Variants in TMCC1 observed in about 807,000 individuals in gnomAD.
TMCC1 encodes transmembrane and coiled-coil domains protein 1.
Under a neutral mutation model 52.4 loss-of-function variants are expected in TMCC1, and 15 were observed. The observed-to-expected ratio is 0.29, with a 90% CI of 0.19 to 0.44. The LOEUF (loss-of-function observed/expected upper bound fraction) is 0.44. TMCC1 is among the 20% of genes least tolerant of loss of function. The probability of loss-of-function intolerance (pLI) is 1.00; values close to 1 mark genes in which losing one functional copy is unlikely to be tolerated. For missense variants in TMCC1, 503 were observed against 806.0 expected (o/e 0.62, Z 4.55); for synonymous variants, 279 against 301.9 (o/e 0.92, Z 0.79).
chr3:129,768,789 C>T (rs2054320933), intron 4 of TMCC1, among the ~76,000 whole-genome samples: 1 of 152,222 alleles, frequency 6.6e-6, no homozygotes, highest in Non-Finnish European at 1.5e-5. Context: ...ATGTAATCTT[C>T]AAGGTCTCCT....
At chr3:129,890,602 T>C (rs750772692) in intron 1 of TMCC1, among the ~76,000 whole-genome samples, 20 of 152,212 alleles carry the variant, frequency 1.3e-4, no homozygotes, top group Non-Finnish European at 2.6e-4. Context: ...CAAAATTCTA[T>C]ACCATCCCCC....
chr3:129,818,401 T>A (rs894249867), intron 4 of TMCC1, among the ~76,000 whole-genome samples: 4 of 150,762 alleles, frequency 2.7e-5, no homozygotes, highest in South Asian at 2.1e-4. Context: ...TAAAAGTTTC[T>A]AAGAAACTTT....
intron 4 of TMCC1, among the ~76,000 whole-genome samples, chr3:129,680,711 G>T (rs898661955): frequency 3.3e-5 from 5 of 152,090 alleles, no homozygotes; most frequent in African/African-American, 1.2e-4. Context: ...GACCAGCCTG[G>T]CCAACATGGC....
intron 6 of TMCC1, among the ~76,000 whole-genome samples, chr3:129,654,162 G>A (rs1255857565): frequency 6.6e-6 from 1 of 152,182 alleles, no homozygotes; most frequent in Non-Finnish European, 1.5e-5. Context: ...AAGTTGGTCT[G>A]AGCCTTGAGT....
At chr3:129,846,263 A>G (rs2059660669) in intron 2 of TMCC1, among the ~76,000 whole-genome samples, 1 of 151,700 alleles carries the variant, frequency 6.6e-6, no homozygotes, top group South Asian at 2.1e-4. Flanking sequence ...GCACATGCCT[A>G]TAGTCCCAGC....
rs974513276 is a variant in TMCC1 at position 129,816,841 on chromosome 3, T to A, written c.576+10962A>T. Among the ~76,000 whole-genome samples, 4 of 151,462 alleles carry A rather than the reference T, an allele frequency of 2.6e-5. No homozygotes were observed. In the South Asian group the frequency reaches 6.3e-4, roughly 24 times the overall value. The stretch of plus-strand genomic sequence containing the variant: ...GAGTTTGAGATCAGCCTGGTCAACA[T>A]ATCAAGACCCCATTTCTAGAAAAAA... On this transcript the variant is annotated intron_variant, in intron 4 of 6. Transcript: ENST00000393238.
intron 4 of TMCC1, among the ~76,000 whole-genome samples, chr3:129,741,346 C>G (rs181787612): frequency 1.0e-3 from 156 of 152,240 alleles, no homozygotes; most frequent in African/African-American, 3.3e-3. Flanking sequence ...TCCCTTCTAC[C>G]TGTATGGCTG....
intron 4 of TMCC1, among the ~76,000 whole-genome samples, chr3:129,749,485 C>T (rs2052303543): frequency 6.6e-6 from 1 of 151,882 alleles, no homozygotes; most frequent in Non-Finnish European, 1.5e-5. Flanking sequence ...CTTAATCTTG[C>T]TTTGATCTCT....
chr3:129,770,187 A>T (rs1422986362), intron 4 of TMCC1, among the ~76,000 whole-genome samples: 1 of 152,156 alleles, frequency 6.6e-6, no homozygotes, highest in Non-Finnish European at 1.5e-5. Flanking sequence ...AAGAGCAAAA[A>T]AATTCTAACT....
intron 4 of TMCC1, among the ~76,000 whole-genome samples, chr3:129,801,246 C>T (rs981373961): frequency 1.3e-5 from 2 of 151,756 alleles, no homozygotes; most frequent in Admixed American, 1.3e-4. Context: ...TTTTTTAATC[C>T]AACCAGTATC....
At chr3:129,816,309 A>G (rs1271725719) in intron 4 of TMCC1, among the ~76,000 whole-genome samples, 1 of 152,258 alleles carries the variant, frequency 6.6e-6, no homozygotes, top group Non-Finnish European at 1.5e-5. Flanking sequence ...TGCTATTCAC[A>G]ATAGCCAAAA....
At chr3:129,813,593 AC>A (rs1354846840) in intron 4 of TMCC1, among the ~76,000 whole-genome samples, 2 of 152,158 alleles carry the variant, frequency 1.3e-5, no homozygotes, top group African/African-American at 4.8e-5. Context: ...AGGGAGTTAA[AC>A]ATTTAGTATG....
Position 129,724,552 on chromosome 3 carries a change from C to T in TMCC1, c.577-53288G>A, listed in dbSNP as rs146098607. Among the ~76,000 whole-genome samples, 47 of 152,254 alleles carry T rather than the reference C, an allele frequency of 3.1e-4. No individual in the cohort carries two copies. The East Asian group carries it at 8.7e-3, about 28-fold the overall frequency. ...ATACATTTTTGGTAATGGATATATG[C>T]CAGAACTGAAGGTGTGAATAACCTC... On this transcript the variant is annotated intron_variant, in intron 4 of 6. Transcript: ENST00000393238.
intron 4 of TMCC1, among the ~76,000 whole-genome samples, chr3:129,802,421 G>C (rs1435558871): frequency 6.6e-6 from 1 of 152,080 alleles, no homozygotes; most frequent in African/African-American, 2.4e-5. Flanking sequence ...CTTTCCCCCA[G>C]AGATATTGAG....
At chr3:129,806,385 A>G (rs954078188) in intron 4 of TMCC1, among the ~76,000 whole-genome samples, 10 of 152,172 alleles carry the variant, frequency 6.6e-5, no homozygotes, top group Admixed American at 2.6e-4. Flanking sequence ...GTCCTCTTCC[A>G]CCTCGTCTTA....
intron 4 of TMCC1, among the ~76,000 whole-genome samples, chr3:129,759,000 T>C (rs1280355199): frequency 2.0e-5 from 3 of 152,192 alleles, no homozygotes; most frequent in Non-Finnish European, 4.4e-5. Flanking sequence ...ACTTCCTTCC[T>C]TTTTAAGGCT....
rs2086303458 is a variant in TMCC1 at position 129,651,250 on chromosome 3, T to C, written c.*231A>G. 3.8e-6 allele frequency: 2 copies of C among 524,914 alleles called. No homozygotes were observed. The highest frequency in any genetic ancestry group is 3.3e-6 in the Non-Finnish European group (1 of 298,578). The allele number at this position is 524,914 out of a possible 1,614,324, so 32.5% of individuals were successfully genotyped here. A position where few individuals can be genotyped will look rare whatever the true frequency, so the allele number is the denominator to read the frequency against. The stretch of plus-strand genomic sequence containing the variant: ...TTTAAGATTTGCATCCCAAGGAAAA[T>C]CATGCTACATAAAAATGATCCAAGA... On this transcript the variant is annotated 3_prime_UTR_variant, in exon 7 of 7. Transcript: ENST00000393238. This position sits in a 1 kb window ranked among gnomAD's most constrained non-coding sequence, Gnocchi z 5.1.
intron 4 of TMCC1, among the ~76,000 whole-genome samples, chr3:129,729,744 T>C (rs1232908576): frequency 3.9e-5 from 6 of 152,178 alleles, no homozygotes; most frequent in Non-Finnish European, 1.5e-5. Flanking sequence ...TAGCCTAACC[T>C]ACCTTAAATT....
At chr3:129,797,788 C>G (rs968189484) in intron 4 of TMCC1, among the ~76,000 whole-genome samples, 1 of 152,122 alleles carries the variant, frequency 6.6e-6, no homozygotes, top group African/African-American at 2.4e-5. Context: ...AAACTTTAAG[C>G]AGAAAGAAGG....
Sources: allele counts gnomAD v4.1 joint callset (sites outside exome capture counted in the v4.1 genomes callset), GRCh38; gene constraint gnomAD v4.1.1; non-coding constraint Gnocchi (gnomAD v3.1); transcripts MANE v1.5; gene names NCBI Gene and HGNC (gene_info 2026-07-23, HGNC 2026-07-21).